JAKMIP1: variants seen among roughly 807,000 people sequenced by gnomAD.
JAKMIP1 encodes the protein janus kinase and microtubule interacting protein 1.
A neutral mutation model predicts 113.0 loss-of-function variants in JAKMIP1; 33 were observed. That is an observed-to-expected ratio of 0.29 (90% confidence interval 0.22 to 0.39). The LOEUF (loss-of-function observed/expected upper bound fraction) is 0.39. Ranked by LOEUF, JAKMIP1 falls within the 10% of genes least tolerant of loss-of-function variation. JAKMIP1 has a pLI of 1.00. For missense variants in JAKMIP1, 813 were observed against 1,080.5 expected, an observed-to-expected ratio of 0.75 and a Z score of 3.47; for synonymous variants, 480 against 459.9, an observed-to-expected ratio of 1.04 and a Z score of -0.56.
chr4:6,191,185 T>G (rs1447993163), intron 1 of JAKMIP1, among the ~76,000 whole-genome samples: 1 of 152,164 alleles, frequency 6.6e-6, no homozygotes, highest in East Asian at 1.9e-4. Context: ...GCCAAAGTCA[T>G]GGGCGTGGAT....
rs933182690 is a variant in JAKMIP1 at position 6,176,980 on chromosome 4, C to T, written c.-148+23273G>A. Among the ~76,000 whole-genome samples, 7 of 152,072 alleles carry T rather than the reference C, an allele frequency of 4.6e-5. No homozygotes were observed. Among genetic ancestry groups the T allele is most frequent in the African/African-American group, 1.7e-4 (7 of 41,402 alleles). On this transcript the variant is annotated intron_variant, in intron 1 of 20. Coordinates refer to ENST00000409021, the MANE Select transcript of JAKMIP1 (RefSeq NM_001099433.2). This position sits in a 1 kb window ranked among gnomAD's most constrained non-coding sequence, Gnocchi z 5.5. The stretch of plus-strand genomic sequence containing the variant: ...TCGGGGAGGTTGAGGCTGCAGTGAG[C>T]CATGATTTGTGCCACTGCACTCCAG...
At position 6,185,492 on chromosome 4, in the gene JAKMIP1, C is replaced by G. The variant is rs558663743; in HGVS notation, c.-148+14761G>C. On this transcript the variant is annotated intron_variant, in intron 1 of 20. Coordinates refer to ENST00000409021, the MANE Select transcript of JAKMIP1 (RefSeq NM_001099433.2). This position sits in a 1 kb window ranked among gnomAD's most constrained non-coding sequence, Gnocchi z 5.3. ...GAAACCCCATCTCTACTAAAAAATA[C>G]AAAAAATTAGCCGGGCGTGGTGGCA... Among the ~76,000 whole-genome samples the G allele has an allele frequency of 6.6e-6, 1 of 152,174 alleles. No homozygotes were observed. The highest frequency in any genetic ancestry group is 2.1e-4 in the South Asian group (1 of 4,808).
chr4:6,084,732 G>A (rs1370710725), intron 5 of JAKMIP1, 114 bp downstream of exon 5: 12 of 1,119,568 alleles, frequency 1.1e-5, no homozygotes, highest in Middle Eastern at 2.1e-4. Flanking sequence ...AAGAAGGAAA[G>A]TTCAGAGAAC....
chr4:6,136,671 G>A lies in JAKMIP1; in HGVS notation c.-147-23674C>T, dbSNP rs1323563846. ...TTTCATGGTGATTAGCACCCAGTCA[G>A]GAGCCACACTAAAGAATCTGGAATT... On this transcript the variant is annotated intron_variant, in intron 1 of 20. Transcript: ENST00000409021. The surrounding 1 kb of genome is among the most constrained non-coding windows in gnomAD (Gnocchi z 5.9). Among the ~76,000 whole-genome samples, 1 of 152,124 alleles carries A rather than the reference G, an allele frequency of 6.6e-6. No homozygotes were observed. The highest frequency in any genetic ancestry group is 1.5e-5 in the Non-Finnish European group (1 of 68,024).
At chr4:6,151,901 A>G (rs1017361664) in intron 1 of JAKMIP1, among the ~76,000 whole-genome samples, 2 of 152,244 alleles carry the variant, frequency 1.3e-5, no homozygotes, top group African/African-American at 2.4e-5. Flanking sequence ...AGCAGTGAGC[A>G]CAGTGCCAGG....
rs1720274834 is a variant in JAKMIP1 at position 6,080,038 on chromosome 4, G to A, written c.1242+134C>T. ...GTGCACACCAGGGTGAGCTTGGTGAGTCCCAAAGTCAGCACTGCCTGACCC... is the reference window on the plus strand; with the variant it reads ...GTGCACACCAGGGTGAGCTTGGTGAATCCCAAAGTCAGCACTGCCTGACCC... On this transcript the variant is annotated intron_variant, in intron 7 of 20. Coordinates refer to ENST00000409021, the MANE Select transcript of JAKMIP1 (RefSeq NM_001099433.2). This position sits in a 1 kb window ranked among gnomAD's most constrained non-coding sequence, Gnocchi z 6.0. 2.0e-6 allele frequency: 2 copies of A among 1,006,170 alleles called. No homozygotes were observed. The highest frequency in any genetic ancestry group is 2.8e-6 in the Non-Finnish European group (2 of 705,642). The allele number at this position is 1,006,170 out of a possible 1,614,324, so 62.3% of individuals were successfully genotyped here. A position where few individuals can be genotyped will look rare whatever the true frequency, so the allele number is the denominator to read the frequency against.
intron 1 of JAKMIP1, among the ~76,000 whole-genome samples, chr4:6,119,665 G>A (rs1263978708): frequency 1.3e-5 from 2 of 152,216 alleles, no homozygotes; most frequent in African/African-American, 4.8e-5. Flanking sequence ...GCCTTGCCTT[G>A]CCCCTCTCCA....
rs998151672 is a variant in JAKMIP1 at position 6,155,566 on chromosome 4, G to A, written c.-147-42569C>T. Among the ~76,000 whole-genome samples, 8 of 152,258 alleles carry A rather than the reference G, an allele frequency of 5.3e-5. No homozygotes were observed. The highest frequency in any genetic ancestry group is 7.4e-5 in the Non-Finnish European group (5 of 68,006). The stretch of plus-strand genomic sequence containing the variant: ...CTCTGAAAACTTCTAAACGCCCAGC[G>A]CTGCTACCTGATTTCCCCTAAAGAA... On this transcript the variant is annotated intron_variant, in intron 1 of 20. Coordinates refer to ENST00000409021, the MANE Select transcript of JAKMIP1 (RefSeq NM_001099433.2). This position sits in a 1 kb window ranked among gnomAD's most constrained non-coding sequence, Gnocchi z 6.1.
In JAKMIP1 at chr4:6,179,285, G is replaced by A. The variant is rs1001090759; in HGVS notation, c.-148+20968C>T. 1.3e-5 allele frequency among the ~76,000 whole-genome samples: 2 copies of A among 152,136 alleles called. No homozygotes were observed. The highest frequency in any genetic ancestry group is 4.8e-5 in the African/African-American group (2 of 41,428). On this transcript the variant is annotated intron_variant, in intron 1 of 20. Transcript: ENST00000409021. The surrounding 1 kb of genome is among the most constrained non-coding windows in gnomAD (Gnocchi z 4.5). Reference sequence around the variant, plus strand: ...CCCCTAAATGACTGCTTAACCTCGTGGGGTCTTGGTTTCCTCCTACCATCT... The same window carrying A: ...CCCCTAAATGACTGCTTAACCTCGTAGGGTCTTGGTTTCCTCCTACCATCT...
chr4:6,132,914 T>C (rs900906283), intron 1 of JAKMIP1, among the ~76,000 whole-genome samples: 4 of 152,154 alleles, frequency 2.6e-5, no homozygotes, highest in African/African-American at 7.2e-5. Flanking sequence ...AGCCAACTTC[T>C]ACACATTCAT....
At chr4:6,068,482 T>A (rs1214478463) in intron 8 of JAKMIP1, among the ~76,000 whole-genome samples, 2 of 152,030 alleles carry the variant, frequency 1.3e-5, no homozygotes, top group African/African-American at 4.8e-5. Context: ...ACACACAGAG[T>A]TCCCATAGCA....
intron 8 of JAKMIP1, among the ~76,000 whole-genome samples, chr4:6,071,927 C>G (rs1452144714): frequency 2.0e-5 from 3 of 152,206 alleles, no homozygotes; most frequent in Non-Finnish European, 4.4e-5. Context: ...TGGCACAGAG[C>G]CCGCTGTGAA....
Position 6,044,880 on chromosome 4 carries a change from A to C in JAKMIP1, c.2029-2653T>G, listed in dbSNP as rs1457314922. On this transcript the variant is annotated intron_variant, in intron 16 of 20. Coordinates refer to ENST00000409021, the MANE Select transcript of JAKMIP1 (RefSeq NM_001099433.2). This position sits in a 1 kb window ranked among gnomAD's most constrained non-coding sequence, Gnocchi z 4.4. ...GCCAGATAGCTGTGGAGGCTCAGTC[A>C]CTCCTGGGAGAAACAGCGTTCATGG... Among the ~76,000 whole-genome samples the C allele has an allele frequency of 1.3e-5, 2 of 152,198 alleles. No individual in the cohort carries two copies. Among genetic ancestry groups the C allele is most frequent in the Admixed American group, 1.3e-4 (2 of 15,280 alleles).
rs1014324919 is a variant in JAKMIP1 at position 6,138,577 on chromosome 4, T to C, written c.-147-25580A>G. Among the ~76,000 whole-genome samples, 17 of 152,112 alleles carry C rather than the reference T, an allele frequency of 1.1e-4. No individual in the cohort carries two copies. Among genetic ancestry groups the C allele is most frequent in the African/African-American group, 4.1e-4 (17 of 41,380 alleles). ...AATTAAAGAGGGACACACAAAACCA[T>C]TTTAAACACAGAAGCAGAAAACCAA... On this transcript the variant is annotated intron_variant, in intron 1 of 20. Transcript: ENST00000409021. This position sits in a 1 kb window ranked among gnomAD's most constrained non-coding sequence, Gnocchi z 6.0.
In JAKMIP1 at chr4:6,042,320, C is replaced by T. The variant is rs1449522065; in HGVS notation, c.2029-93G>A. 18 of 1,005,712 alleles carry T rather than the reference C, an allele frequency of 1.8e-5. No individual in the cohort carries two copies. The highest frequency in any genetic ancestry group is 4.8e-5 in the East Asian group (2 of 41,922). 62.3% of individuals were successfully genotyped at this position (1,005,712 alleles called of 1,614,324 possible). A position where few individuals can be genotyped will look rare whatever the true frequency, so the allele number is the denominator to read the frequency against. On this transcript the variant is annotated intron_variant, in intron 16 of 20. Coordinates refer to ENST00000409021, the MANE Select transcript of JAKMIP1 (RefSeq NM_001099433.2). The surrounding 1 kb of genome is among the most constrained non-coding windows in gnomAD (Gnocchi z 5.2). ...TCACAGGTGTGTGAATTTCATAGAT[C>T]GGCTTCCTCAGAGTGTGCTCAGGAA...
Position 6,153,545 on chromosome 4 carries a change from T to A in JAKMIP1, c.-147-40548A>T, listed in dbSNP as rs1721866491. On this transcript the variant is annotated intron_variant, in intron 1 of 20. Coordinates refer to ENST00000409021, the MANE Select transcript of JAKMIP1 (RefSeq NM_001099433.2). The surrounding 1 kb of genome is among the most constrained non-coding windows in gnomAD (Gnocchi z 4.9). ...GGTTCTTCTTTTCTTAAAATTAGCT[T>A]TCCGGAGGTGTAATTTGCGCTGTAA... is the stretch of plus-strand genomic sequence containing the variant. Among the ~76,000 whole-genome samples, 1 of 152,208 alleles carries A rather than the reference T, an allele frequency of 6.6e-6. No individual in the cohort carries two copies. The highest frequency in any genetic ancestry group is 2.4e-5 in the African/African-American group (1 of 41,444).
chr4:6,113,592 G>T (rs1016430128), intron 1 of JAKMIP1, among the ~76,000 whole-genome samples: 1 of 152,204 alleles, frequency 6.6e-6, no homozygotes, highest in African/African-American at 2.4e-5. Flanking sequence ...ACACACAGAG[G>T]TTGACTGCTG....
At chr4:6,147,475 C>T (rs1194323560) in intron 1 of JAKMIP1, among the ~76,000 whole-genome samples, 7 of 152,212 alleles carry the variant, frequency 4.6e-5, no homozygotes, top group Non-Finnish European at 1.0e-4. Context: ...GACTGACAGC[C>T]TCGTCTGTCT....
chr4:6,054,053 G>T lies in JAKMIP1; in HGVS notation c.1803C>A (p.Leu601=), dbSNP rs370646732. The change falls in exon 13 of 21, where the codon CTC becomes CTA. Residue 601 remains leucine (L), a synonymous_variant. Transcript: ENST00000409021. ...NELLEFRVLE[L]EERERRSPAF... ...TACAACAGATAGAGTCTCTTACTTC[G>T]AGTTCTAGCACTCTGAATTCTAACA... is the stretch of plus-strand genomic sequence containing the variant. 3.1e-6 allele frequency: 5 copies of T among 1,614,114 alleles called. No individual in the cohort carries two copies. The African/African-American group carries it at 6.7e-5, about 22-fold the overall frequency.
Sources: allele counts gnomAD v4.1 joint callset (sites outside exome capture counted in the v4.1 genomes callset), GRCh38; gene constraint gnomAD v4.1.1; non-coding constraint Gnocchi (gnomAD v3.1); transcripts MANE v1.5; gene names NCBI Gene and HGNC (gene_info 2026-07-23, HGNC 2026-07-21).